REV3L: variants seen among roughly 807,000 people sequenced by gnomAD.
REV3L encodes REV3 like, DNA directed polymerase zeta catalytic subunit, also known as DNA polymerase zeta catalytic subunit.
In REV3L, 69 loss-of-function variants were observed where a neutral mutation model predicts 299.4. That is an observed-to-expected ratio of 0.23 (90% confidence interval 0.19 to 0.28). The LOEUF (loss-of-function observed/expected upper bound fraction) is 0.28. Among genes scored for constraint, REV3L ranks in the 10% least tolerant of loss-of-function variants. The probability of loss-of-function intolerance (pLI) is 1.00; values close to 1 mark genes in which losing one functional copy is unlikely to be tolerated. For missense variants in REV3L, 3,128 were observed against 3,693.8 expected, an observed-to-expected ratio of 0.85 and a Z score of 3.97; for synonymous variants, 1,238 against 1,271.4, an observed-to-expected ratio of 0.97 and a Z score of 0.56.
chr6:111,362,537 T>C (rs462493), intron 16 of REV3L, among the ~76,000 whole-genome samples: 60,603 of 152,086 alleles, frequency 0.4, 14,608 homozygotes, highest in Non-Finnish European at 0.54. Flanking sequence ...CTTAAAGTTT[T>C]CTAGTAGTCA....
rs1268060518 is a variant in REV3L, at chr6:111,313,242, T to G, written c.8604+110A>C. ...GTTACTCCTATAGTTATATTAATTA[T>G]ATAGGCTATAGTTCCTTCACCTAGA... On this transcript the variant is annotated intron_variant, in intron 28 of 31. Coordinates refer to ENST00000368802, the MANE Select transcript of REV3L (RefSeq NM_001372078.1). The G allele has an allele frequency of 3.4e-6, 3 of 877,126 alleles. No individual in the cohort carries two copies. The Admixed American group carries it at 8.4e-5, about 25-fold the overall frequency. The allele number at this position is 877,126 out of a possible 1,614,324, so 54.3% of individuals were successfully genotyped here.
In REV3L at chr6:111,360,495, A is replaced by G. The variant is rs1431943312; in HGVS notation, c.6880-1481T>C. On this transcript the variant is annotated intron_variant, in intron 16 of 31. Coordinates refer to ENST00000368802, the MANE Select transcript of REV3L (RefSeq NM_001372078.1). ...CTTTTTTTTTTTTTTTTTTTTTTAG[A>G]CACAGGGTCTCTCTCTGTTGCCCAG... 6 of 126,530 alleles carry G rather than the reference A, an allele frequency of 4.7e-5. No homozygotes were observed. The Admixed American group carries it at 5.1e-4, about 11-fold the overall frequency. 7.8% of individuals were successfully genotyped at this position (126,530 alleles called of 1,614,324 possible).
chr6:111,353,602 T>C (rs1034727963), intron 18 of REV3L: 5 of 152,238 alleles, frequency 3.3e-5, no homozygotes, highest in African/African-American at 1.2e-4. Context: ...ACATATTATT[T>C]ATGTGCTTTT....
chr6:111,363,762 CCCTT>C (rs1488019015), intron 16 of REV3L, 87 bp downstream of exon 16: 2 of 1,257,548 alleles, frequency 1.6e-6, no homozygotes, highest in Admixed American at 4.6e-5. Context: ...ATATACTCCT[CCCTT>C]GTTAAAAAAA....
chr6:111,419,639 A>G (rs1246641619), intron 1 of REV3L, among the ~76,000 whole-genome samples: 1 of 152,166 alleles, frequency 6.6e-6, no homozygotes, highest in Non-Finnish European at 1.5e-5. Context: ...TTCTCTCCTA[A>G]AAGAAGTCCA....
chr6:111,418,517 A>C (rs1188544094), intron 1 of REV3L, among the ~76,000 whole-genome samples: 1 of 152,226 alleles, frequency 6.6e-6, no homozygotes, highest in South Asian at 2.1e-4. Context: ...GGAAAAAGGA[A>C]GAAATGATTT....
intron 1 of REV3L, among the ~76,000 whole-genome samples, chr6:111,443,908 A>G (rs530424819): frequency 1.3e-5 from 2 of 152,338 alleles, no homozygotes; most frequent in Admixed American, 6.5e-5. Context: ...AGAAATTCTT[A>G]ATTGTTTTAT....
intron 1 of REV3L, among the ~76,000 whole-genome samples, chr6:111,440,005 G>A (rs1416107906): frequency 6.6e-6 from 1 of 152,080 alleles, no homozygotes; most frequent in Non-Finnish European, 1.5e-5. Context: ...CCAGGAAAAT[G>A]CTTCCACAAC....
In REV3L at chr6:111,299,578, G is replaced by GTAT. The variant is rs1771250251; in HGVS notation, c.*435_*437dup. On this transcript the variant is annotated 3_prime_UTR_variant, in exon 32 of 32. Transcript: ENST00000368802. ...TTGCTCGTTTGAAAAGTAAAAAAGT[G>GTAT]TATTTACAAAATATTTTGCAGTCAA... 1 of 152,892 alleles carries GTAT rather than the reference G, an allele frequency of 6.5e-6. No homozygotes were observed. Among genetic ancestry groups the GTAT allele is most frequent in the Admixed American group, 6.5e-5 (1 of 15,294 alleles). The allele number at this position is 152,892 out of a possible 1,614,324, so 9.5% of individuals were successfully genotyped here.
At chr6:111,417,390 G>C (rs1344146900) in intron 1 of REV3L, among the ~76,000 whole-genome samples, 2 of 152,172 alleles carry the variant, frequency 1.3e-5, no homozygotes, top group African/African-American at 4.8e-5. Context: ...TCAGAGCATT[G>C]TCCCTAGTTC....
chr6:111,435,808 G>C (rs907461697), intron 1 of REV3L, among the ~76,000 whole-genome samples: 1 of 152,070 alleles, frequency 6.6e-6, no homozygotes, highest in Non-Finnish European at 1.5e-5. Context: ...GCCAAAAATA[G>C]ACAAAAGGAT....
Position 111,367,230 on chromosome 6 carries a change from A to G in REV3L, c.6558T>C (p.Asn2186=). ...CACATTTCCCAGTTCTTGCCCTAGT[A>G]TTAATTGGAGATATCACTAGAGGCT... is the stretch of plus-strand genomic sequence containing the variant. The part of the protein sequence containing the change: ...PQEPLVISPI[N]TRARTGKCES... Residue 2186 remains asparagine (N), a synonymous_variant, in exon 14 of 32, where the codon AAT becomes AAC. Transcript: ENST00000368802. The G allele has an allele frequency of 1.2e-6, 2 of 1,614,108 alleles. No individual in the cohort carries two copies. The highest frequency in any genetic ancestry group is 1.7e-6 in the Non-Finnish European group (2 of 1,179,974).
Position 111,303,672 on chromosome 6 carries a change from TTTTTTTTTTTTTTTTTAACAGACTATGAC to T in REV3L, c.9253-3545_9253-3517del, listed in dbSNP as rs1308118488. Among the ~76,000 whole-genome samples the T allele has an allele frequency of 8.1e-4, 32 of 39,710 alleles. 4 individuals are homozygous for T. Among genetic ancestry groups the T allele is most frequent in the Non-Finnish European group, 1.3e-3 (26 of 20,316 alleles). The allele number at this position is 39,710 out of a possible 152,430, so 26.1% of individuals were successfully genotyped here. On this transcript the variant is annotated intron_variant, in intron 31 of 31. Coordinates refer to ENST00000368802, the MANE Select transcript of REV3L (RefSeq NM_001372078.1). ...GTGAGCCATGATCCCCAGCCGAGGC[TTTTTTTTTTTTTTTTTAACAGACTATGAC>T]TTTTTTTTTTTTTTTTTTTTTTTTT...
In REV3L at chr6:111,482,994, G is replaced by A; in HGVS notation, c.-106C>T. On this transcript the variant is annotated 5_prime_UTR_variant, in exon 1 of 32. Coordinates refer to ENST00000368802, the MANE Select transcript of REV3L (RefSeq NM_001372078.1). ...GCGGCGGCGCCCCCTCCCCTTCTCGGCACGGCCCCCTCCCCTCACACAGAG... is the reference window on the plus strand; with the variant it reads ...GCGGCGGCGCCCCCTCCCCTTCTCGACACGGCCCCCTCCCCTCACACAGAG... 2.3e-6 allele frequency: 3 copies of A among 1,318,708 alleles called. No homozygotes were observed. The highest frequency in any genetic ancestry group is 3.0e-6 in the Non-Finnish European group (3 of 1,015,198). The allele number at this position is 1,318,708 out of a possible 1,614,324, so 81.7% of individuals were successfully genotyped here.
At chr6:111,481,245 C>T (rs1396778826) in intron 1 of REV3L, among the ~76,000 whole-genome samples, 1 of 152,216 alleles carries the variant, frequency 6.6e-6, no homozygotes, top group Admixed American at 6.5e-5. Context: ...TTTTATCCTT[C>T]CTCTGCATCT....
At chr6:111,305,419 G>A (rs575221699) in intron 31 of REV3L, among the ~76,000 whole-genome samples, 12 of 151,618 alleles carry the variant, frequency 7.9e-5, no homozygotes, top group Admixed American at 2.6e-4. Flanking sequence ...AGTGAGACCC[G>A]ATGTCTAAAA....
rs1332026804 is a variant in REV3L, at chr6:111,468,481, C to T, written c.139+14269G>A. Among the ~76,000 whole-genome samples, 7 of 151,974 alleles carry T rather than the reference C, an allele frequency of 4.6e-5. No individual in the cohort carries two copies. The South Asian group carries it at 8.3e-4, about 18-fold the overall frequency. On this transcript the variant is annotated intron_variant, in intron 1 of 31. Coordinates refer to ENST00000368802, the MANE Select transcript of REV3L (RefSeq NM_001372078.1). ...GAAAATGGGTAAAAGATAAACAGTACGCTGAGAAGGAAATACCATAAGGGC... is the reference window on the plus strand; with the variant it reads ...GAAAATGGGTAAAAGATAAACAGTATGCTGAGAAGGAAATACCATAAGGGC...
intron 1 of REV3L, among the ~76,000 whole-genome samples, chr6:111,469,851 C>G (rs1208662937): frequency 6.6e-6 from 1 of 152,088 alleles, no homozygotes; most frequent in Non-Finnish European, 1.5e-5. Context: ...CTAACAAATG[C>G]CTATTGTTTC....
chr6:111,411,675 C>G (rs1784267777), intron 2 of REV3L, 121 bp from the exon 3 acceptor site: 2 of 655,430 alleles, frequency 3.1e-6, no homozygotes, highest in South Asian at 4.8e-5. Flanking sequence ...ATTATCCACC[C>G]CCCAAAAAAC....
Sources: gnomAD v4.1 joint callset for allele counts (sites outside exome capture counted in the v4.1 genomes callset) on GRCh38, gnomAD v4.1.1 for gene constraint, MANE v1.5 for transcripts, NCBI Gene and HGNC (gene_info 2026-07-23, HGNC 2026-07-21) for gene names.